The following GSK3B variants were observed in gnomAD, a reference collection of about 807,000 sequenced individuals.
GSK3B encodes the protein glycogen synthase kinase-3 beta.
Under a neutral mutation model 56.4 loss-of-function variants are expected in GSK3B, and 15 were observed. That is an observed-to-expected ratio of 0.27 (90% CI 0.18 to 0.41). GSK3B has a LOEUF of 0.41. Among genes scored for constraint, GSK3B ranks in the 10% least tolerant of loss-of-function variants. The pLI is 1.00. For missense variants in GSK3B, 300 were observed against 513.4 expected (o/e 0.58, Z 4.02); for synonymous variants, 181 against 188.9 (o/e 0.96, Z 0.34).
intron 7 of GSK3B, among the ~76,000 whole-genome samples, chr3:119,882,136 T>G (rs1369607201): frequency 1.6e-4 from 25 of 151,692 alleles, no homozygotes; most frequent in Non-Finnish European, 3.4e-4. Flanking sequence ...TTCCCTGAAA[T>G]GAAAGTTTTA....
intron 6 of GSK3B, among the ~76,000 whole-genome samples, chr3:119,911,585 T>C (rs1488037473): frequency 8.5e-5 from 13 of 152,204 alleles, no homozygotes; most frequent in Admixed American, 8.5e-4. Flanking sequence ...AAACGGTATC[T>C]TCTTCCAATT....
intron 9 of GSK3B, among the ~76,000 whole-genome samples, chr3:119,856,799 T>C (rs1050676644): frequency 1.3e-5 from 2 of 152,184 alleles, no homozygotes; most frequent in Non-Finnish European, 2.9e-5. Context: ...TCCTATCCTA[T>C]GTAAATTTAT....
chr3:119,821,410 A>C lies in GSK3B; in HGVS notation c.*5378T>G, dbSNP rs1577291768. On this transcript the variant is annotated 3_prime_UTR_variant, in exon 11 of 11. Coordinates refer to ENST00000264235, the MANE Select transcript of GSK3B (RefSeq NM_001146156.2). ...GGCCTGACAGAGTGAGCCAGCCCTA[A>C]AAAAATGATGTTTCTTTTTGCACTA... 6.6e-6 allele frequency: 1 copy of C among 152,340 alleles called. No homozygotes were observed. Among genetic ancestry groups the C allele is most frequent in the Non-Finnish European group, 1.5e-5 (1 of 68,032 alleles). 9.4% of individuals were successfully genotyped at this position (152,340 alleles called of 1,614,324 possible).
At chr3:119,833,066 A>AT in intron 10 of GSK3B, 1 of 694,886 alleles carries the variant, frequency 1.4e-6, no homozygotes, top group Non-Finnish European at 1.8e-6. Flanking sequence ...CCCCACCCAA[A>AT]TGTTCAAGTC....
chr3:119,971,090 T>TA (rs764653040), intron 2 of GSK3B, among the ~76,000 whole-genome samples: 6 of 152,226 alleles, frequency 3.9e-5, no homozygotes, highest in Non-Finnish European at 7.3e-5. Flanking sequence ...TCTCAAAGTT[T>TA]AATCATTAAC....
chr3:119,931,033 T>C (rs1359934110), intron 3 of GSK3B, among the ~76,000 whole-genome samples: 1 of 152,192 alleles, frequency 6.6e-6, no homozygotes, highest in Non-Finnish European at 1.5e-5. Context: ...TAATGTAAAA[T>C]AAATAGCCAC....
intron 10 of GSK3B, among the ~76,000 whole-genome samples, chr3:119,840,198 T>TA (rs2055751891): frequency 6.7e-6 from 1 of 149,632 alleles, no homozygotes; most frequent in African/African-American, 2.5e-5. Context: ...CATGGCTTTT[T>TA]AAAAAAAACA....
intron 1 of GSK3B, among the ~76,000 whole-genome samples, chr3:120,065,383 G>A (rs893707955): frequency 6.6e-6 from 1 of 152,012 alleles, no homozygotes; most frequent in Non-Finnish European, 1.5e-5. Flanking sequence ...TACATCGATA[G>A]TCATTAAGGA....
chr3:119,936,354 A>ATT (rs34550759), intron 3 of GSK3B, among the ~76,000 whole-genome samples: 114 of 125,758 alleles, frequency 9.1e-4, no homozygotes, highest in African/African-American at 2.3e-3. Flanking sequence ...ATATATATAT[A>ATT]TTTTTTTTTT....
At chr3:119,868,907 A>G (rs932647515) in intron 8 of GSK3B, among the ~76,000 whole-genome samples, 2 of 152,234 alleles carry the variant, frequency 1.3e-5, no homozygotes, top group African/African-American at 4.8e-5. Context: ...ACATAGGATT[A>G]AAAGTGAGAC....
At chr3:119,893,598 GGTAAA>G (rs1471167491) in intron 7 of GSK3B, among the ~76,000 whole-genome samples, 1 of 152,036 alleles carries the variant, frequency 6.6e-6, no homozygotes, top group Non-Finnish European at 1.5e-5. Flanking sequence ...AAACAATTTG[GGTAAA>G]GTATTTATTT....
chr3:119,975,834 G>T lies in GSK3B; in HGVS notation c.282+26212C>A, dbSNP rs536460340. Reference sequence around the variant, plus strand: ...CTACACCAAGGCACCAGTAATATTGGAAACTCTAGAGATGGGGTTGGAATG... The same window carrying T: ...CTACACCAAGGCACCAGTAATATTGTAAACTCTAGAGATGGGGTTGGAATG... On this transcript the variant is annotated intron_variant, in intron 2 of 10. Coordinates refer to ENST00000264235, the MANE Select transcript of GSK3B (RefSeq NM_001146156.2). 5.3e-5 allele frequency among the ~76,000 whole-genome samples: 8 copies of T among 152,218 alleles called. No homozygotes were observed. In the South Asian group the frequency reaches 1.7e-3, roughly 32 times the overall value.
chr3:119,895,412 A>T (rs1197664739), intron 7 of GSK3B, among the ~76,000 whole-genome samples: 1 of 129,946 alleles, frequency 7.7e-6, no homozygotes, highest in Non-Finnish European at 1.5e-5. Flanking sequence ...TGACATACTG[A>T]CTTCAAGTCT....
At chr3:120,071,155 T>C (rs762278592) in intron 1 of GSK3B, among the ~76,000 whole-genome samples, 2 of 152,238 alleles carry the variant, frequency 1.3e-5, no homozygotes, top group Non-Finnish European at 2.9e-5. Context: ...CAACATCGTT[T>C]AGAGTAACTA....
Position 119,986,502 on chromosome 3 carries a change from C to T in GSK3B, c.282+15544G>A, listed in dbSNP as rs907623094. Among the ~76,000 whole-genome samples the T allele has an allele frequency of 5.9e-5, 9 of 151,978 alleles. No individual in the cohort carries two copies. In the East Asian group the frequency reaches 1.7e-3, roughly 29 times the overall value. The stretch of plus-strand genomic sequence containing the variant: ...CAAATTTACAAAAAAAAAAACAACC[C>T]CCATCATAAAGTGGGCAACAGATAT... On this transcript the variant is annotated intron_variant, in intron 2 of 10. Transcript: ENST00000264235.
At chr3:119,832,032 C>T (rs576455203) in intron 10 of GSK3B, among the ~76,000 whole-genome samples, 2 of 152,324 alleles carry the variant, frequency 1.3e-5, no homozygotes, top group East Asian at 1.9e-4. Context: ...GCAGTCCATT[C>T]CCACACTGAA....
chr3:119,974,117 C>A (rs976983454), intron 2 of GSK3B, among the ~76,000 whole-genome samples: 1 of 152,052 alleles, frequency 6.6e-6, no homozygotes, highest in Admixed American at 6.6e-5. Flanking sequence ...AGTTGAACTT[C>A]GTTAAAATTA....
chr3:119,947,426 A>T (rs1576220969), intron 2 of GSK3B, 75 bp from the exon 3 acceptor site: 1 of 925,618 alleles, frequency 1.1e-6, no homozygotes, highest in East Asian at 2.5e-5. Context: ...ATGCTTCTGA[A>T]ATAACATTAA....
intron 10 of GSK3B, 83 bp from the exon 11 acceptor site, chr3:119,826,938 C>A: frequency 1.2e-6 from 1 of 834,464 alleles, no homozygotes; most frequent in South Asian, 1.5e-5. Context: ...CAACTGCAGG[C>A]TGTGAACTGT....
Sources: gnomAD v4.1 joint callset for allele counts (sites outside exome capture counted in the v4.1 genomes callset) on GRCh38, gnomAD v4.1.1 for gene constraint, MANE v1.5 for transcripts, NCBI Gene and HGNC (gene_info 2026-07-23, HGNC 2026-07-21) for gene names.